The following AGBL1 variants were observed in gnomAD, a reference collection of about 807,000 sequenced individuals.
AGBL1 encodes cytosolic carboxypeptidase 4.
Under a neutral mutation model 118.9 loss-of-function variants are expected in AGBL1, and 130 were observed. That is an observed-to-expected ratio of 1.09 (90% CI 0.95 to 1.26). The LOEUF (loss-of-function observed/expected upper bound fraction) is 1.26. AGBL1 is among the 50% of genes most tolerant of loss of function. The pLI, the probability that AGBL1 is intolerant of heterozygous loss-of-function variation, is 0.00. For missense variants in AGBL1, 1,584 were observed against 1,298.1 expected (o/e 1.22, Z -3.38); for synonymous variants, 555 against 478.9 (o/e 1.16, Z -2.08).
intron 18 of AGBL1, among the ~76,000 whole-genome samples, chr15:86,447,302 T>C (rs117906453): frequency 0.042 from 6,384 of 152,264 alleles, 189 homozygotes; most frequent in South Asian, 0.096. Flanking sequence ...ACTCTTTTCC[T>C]CTGAAGACAG....
intron 22 of AGBL1, among the ~76,000 whole-genome samples, chr15:86,773,053 G>C (rs72750012): frequency 1.3e-5 from 2 of 151,974 alleles, no homozygotes; most frequent in African/African-American, 4.8e-5. Context: ...TGGATTTTTC[G>C]GAATCAAGGG....
At chr15:86,255,915 A>G (rs1364516998) in intron 7 of AGBL1, among the ~76,000 whole-genome samples, 2 of 152,174 alleles carry the variant, frequency 1.3e-5, no homozygotes, top group South Asian at 2.1e-4. Context: ...TGGAGATGCC[A>G]TAGTTCAGCA....
chr15:86,770,637 G>A (rs2141287721), intron 22 of AGBL1, among the ~76,000 whole-genome samples: 1 of 152,070 alleles, frequency 6.6e-6, no homozygotes, highest in South Asian at 2.1e-4. Flanking sequence ...CTGAAGAGGT[G>A]AGTTTTGAGC....
At chr15:86,817,698 G>A (rs183725073) in intron 22 of AGBL1, among the ~76,000 whole-genome samples, 5 of 151,854 alleles carry the variant, frequency 3.3e-5, no homozygotes, top group Non-Finnish European at 4.4e-5. Flanking sequence ...TGCTGGGAGA[G>A]GGTATGGGTT....
At chr15:86,387,159 C>T (rs780952934) in intron 17 of AGBL1, among the ~76,000 whole-genome samples, 52 of 151,950 alleles carry the variant, frequency 3.4e-4, no homozygotes, top group African/African-American at 1.0e-3. Context: ...ATGTAACAGG[C>T]GAAAGGGAGT....
At position 86,237,432 on chromosome 15, in the gene AGBL1, C is replaced by T. The variant is rs565356336; in HGVS notation, c.527-10239C>T. 5.9e-5 allele frequency among the ~76,000 whole-genome samples: 9 copies of T among 152,248 alleles called. No individual in the cohort carries two copies. In the South Asian group the frequency reaches 8.3e-4, roughly 14 times the overall value. On this transcript the variant is annotated intron_variant, in intron 6 of 22. Coordinates refer to ENST00000614907, the MANE Select transcript of AGBL1 (RefSeq NM_001386094.1). ...GCAGGCAGCATCACTGGTGGACAGACGGGTGCCTTAAATATCAAGTTGGGG... is the reference window on the plus strand; with the variant it reads ...GCAGGCAGCATCACTGGTGGACAGATGGGTGCCTTAAATATCAAGTTGGGG...
chr15:86,279,545 C>T (rs532367213), intron 15 of AGBL1, 94 bp from the exon 16 acceptor site: 80 of 1,240,958 alleles, frequency 6.4e-5, no homozygotes, highest in Middle Eastern at 6.1e-4. Context: ...CAGTATATAA[C>T]GCACAAGATT....
intron 16 of AGBL1, among the ~76,000 whole-genome samples, chr15:86,292,204 G>A (rs2079558490): frequency 2.0e-5 from 3 of 152,170 alleles, no homozygotes; most frequent in Admixed American, 1.3e-4. Flanking sequence ...CAGATTGGGT[G>A]CGGGGTAATC....
chr15:86,153,850 A>G (rs2077151082), intron 3 of AGBL1, among the ~76,000 whole-genome samples: 1 of 152,216 alleles, frequency 6.6e-6, no homozygotes, highest in Admixed American at 6.5e-5. Flanking sequence ...TTTAAGAGAA[A>G]TTGCAGGTTA....
At chr15:86,085,027 T>C (rs765445850) in intron 1 of AGBL1, among the ~76,000 whole-genome samples, 11 of 152,178 alleles carry the variant, frequency 7.2e-5, no homozygotes, top group Non-Finnish European at 1.6e-4. Context: ...GCCCAATAAG[T>C]AGGAGCACTT....
chr15:86,991,546 C>G (rs2081335685), intron 24 of AGBL1, among the ~76,000 whole-genome samples: 1 of 151,910 alleles, frequency 6.6e-6, no homozygotes. Flanking sequence ...AGGACAAAAT[C>G]CATAAGGATG....
chr15:86,528,210 C>G lies in AGBL1; in HGVS notation c.2685+5271C>G, dbSNP rs550843062. 2.6e-4 allele frequency among the ~76,000 whole-genome samples: 40 copies of G among 152,298 alleles called. 1 individual carries two copies. In the South Asian group the frequency reaches 8.1e-3, roughly 31 times the overall value. ...CATCTGAGGTACCGGGTTCATCTCACTAGGGAGTGCCAGACAGTGGGCGCA... is the reference window on the plus strand; with the variant it reads ...CATCTGAGGTACCGGGTTCATCTCAGTAGGGAGTGCCAGACAGTGGGCGCA... On this transcript the variant is annotated intron_variant, in intron 19 of 22. Coordinates refer to ENST00000614907, the MANE Select transcript of AGBL1 (RefSeq NM_001386094.1).
At chr15:86,824,166 T>C (rs1214134504) in intron 22 of AGBL1, among the ~76,000 whole-genome samples, 1 of 152,074 alleles carries the variant, frequency 6.6e-6, no homozygotes, top group Admixed American at 6.6e-5. Context: ...AGATTGTCTA[T>C]GTAAAACATT....
intron 19 of AGBL1, among the ~76,000 whole-genome samples, chr15:86,536,871 G>A (rs1248897997): frequency 6.6e-6 from 1 of 152,176 alleles, no homozygotes; most frequent in Non-Finnish European, 1.5e-5. Flanking sequence ...GCTGCTCTCC[G>A]TGAAGGCCAG....
intron 7 of AGBL1, among the ~76,000 whole-genome samples, chr15:86,252,678 G>A (rs535523374): frequency 2.0e-5 from 3 of 152,140 alleles, no homozygotes; most frequent in Non-Finnish European, 2.9e-5. Context: ...AGAGCGTTTT[G>A]AAAAGTCTAA....
intron 22 of AGBL1, among the ~76,000 whole-genome samples, chr15:86,854,797 A>G (rs975990397): frequency 1.3e-5 from 2 of 152,220 alleles, no homozygotes; most frequent in South Asian, 2.1e-4. Context: ...TCTCCTGTAT[A>G]GAAATTCTCA....
In AGBL1 at chr15:86,256,810, G is replaced by C. The variant is rs72752192; in HGVS notation, c.736-43G>C. ...TTAGCTGTGTTACAGCTAGGGGACT[G>C]TGCCCAGATGTTGGCATCTGATATA... is the stretch of plus-strand genomic sequence containing the variant. On this transcript the variant is annotated intron_variant, in intron 7 of 22. Transcript: ENST00000614907. The C allele has an allele frequency of 9.4e-3, 15,045 of 1,603,574 alleles. 132 individuals carry two copies. Among genetic ancestry groups the C allele is most frequent in the Middle Eastern group, 0.034 (200 of 5,954 alleles).
chr15:86,162,938 G>T (rs936854229), intron 5 of AGBL1, among the ~76,000 whole-genome samples: 3 of 152,158 alleles, frequency 2.0e-5, no homozygotes, highest in Non-Finnish European at 4.4e-5. Flanking sequence ...TCAGAGAAAA[G>T]GAATCTACTC....
chr15:86,133,626 A>G (rs1315491279), intron 1 of AGBL1, among the ~76,000 whole-genome samples: 2 of 152,222 alleles, frequency 1.3e-5, no homozygotes, highest in South Asian at 2.1e-4. Context: ...AAAACAGACT[A>G]CATTCTATCT....
Sources: allele counts gnomAD v4.1 joint callset (sites outside exome capture counted in the v4.1 genomes callset), GRCh38; gene constraint gnomAD v4.1.1; transcripts MANE v1.5; gene names NCBI Gene and HGNC (gene_info 2026-07-23, HGNC 2026-07-21).